Variants in LPP observed in about 807,000 individuals in gnomAD.
LPP encodes lipoma-preferred partner.
In LPP, 38 loss-of-function variants were observed where a neutral mutation model predicts 60.4. That is an observed-to-expected ratio of 0.63 (90% CI 0.49 to 0.83). The LOEUF is 0.83. Ranked by LOEUF, LPP falls within the 40% of genes least tolerant of loss-of-function variation. The pLI, the probability that LPP is intolerant of heterozygous loss-of-function variation, is 0.00. For missense variants in LPP, 902 were observed against 783.6 expected, an observed-to-expected ratio of 1.15 and a Z score of -1.80; for synonymous variants, 328 against 290.8, an observed-to-expected ratio of 1.13 and a Z score of -1.30.
chr3:188,377,885 G>A (rs1231462619), intron 3 of LPP, among the ~76,000 whole-genome samples: 1 of 152,002 alleles, frequency 6.6e-6, no homozygotes. Flanking sequence ...TGGGTTTTTG[G>A]TGTGGATGTC....
In LPP at chr3:188,785,547, T is replaced by TATATATACACAC. The variant is rs1206082559; in HGVS notation, c.1410+25266_1410+25267insTATATACACACA. The stretch of plus-strand genomic sequence containing the variant: ...ATATATATTCCATCATATATATATA[T>TATATATACACAC]ACACACACACACACACACACACACA... On this transcript the variant is annotated intron_variant, in intron 9 of 11. Coordinates refer to ENST00000617246, the MANE Select transcript of LPP (RefSeq NM_001375462.1). Among the ~76,000 whole-genome samples the TATATATACACAC allele has an allele frequency of 4.6e-5, 2 of 43,846 alleles. 1 individual carries two copies. The highest frequency in any genetic ancestry group is 1.9e-4 in the African/African-American group (2 of 10,630). 28.8% of individuals were successfully genotyped at this position (43,846 alleles called of 152,430 possible).
At chr3:188,824,292 T>C (rs1043112205) in intron 9 of LPP, among the ~76,000 whole-genome samples, 2 of 152,184 alleles carry the variant, frequency 1.3e-5, no homozygotes, top group Non-Finnish European at 2.9e-5. Flanking sequence ...GACATGAGTA[T>C]TGATGATGTA....
At chr3:188,830,614 A>C (rs917400974) in intron 9 of LPP, among the ~76,000 whole-genome samples, 7 of 151,954 alleles carry the variant, frequency 4.6e-5, no homozygotes, top group African/African-American at 9.7e-5. Flanking sequence ...CAAAAAACAA[A>C]AAAAAAAATG....
chr3:188,832,895 T>C (rs1757471904), intron 9 of LPP, among the ~76,000 whole-genome samples: 1 of 152,206 alleles, frequency 6.6e-6, no homozygotes, highest in Non-Finnish European at 1.5e-5. Flanking sequence ...TTCTAACAGT[T>C]GCAAGTCTGC....
Position 188,665,394 on chromosome 3 carries a change from T to C in LPP, c.1114-42873T>C, listed in dbSNP as rs141913776. ...AGTTTCTATGTGTTTGTCTGAGTAG[T>C]TGTTTTATTAGAAAATTGTAATTTC... On this transcript the variant is annotated intron_variant, in intron 7 of 11. Coordinates refer to ENST00000617246, the MANE Select transcript of LPP (RefSeq NM_001375462.1). Among the ~76,000 whole-genome samples the C allele has an allele frequency of 5.0e-3, 765 of 152,200 alleles. 9 individuals are homozygous for C. The highest frequency in any genetic ancestry group is 0.018 in the African/African-American group (736 of 41,540).
chr3:188,341,677 G>A lies in LPP; in HGVS notation c.-52G>A, dbSNP rs1763097129. ...GTAAACACTAGCATTGCAGTTGGCT[G>A]AACCTTGTGTCAACCATCCATTCCA... is the stretch of plus-strand genomic sequence containing the variant. On this transcript the variant is annotated 5_prime_UTR_variant, in exon 3 of 12. Transcript: ENST00000617246. The A allele has an allele frequency of 3.0e-6, 3 of 985,058 alleles. No homozygotes were observed. In the South Asian group the frequency reaches 1.4e-4, roughly 46 times the overall value. The allele number at this position is 985,058 out of a possible 1,614,324, so 61.0% of individuals were successfully genotyped here.
chr3:188,480,669 C>T (rs544379874), intron 4 of LPP, among the ~76,000 whole-genome samples: 5 of 152,132 alleles, frequency 3.3e-5, no homozygotes, highest in Non-Finnish European at 7.3e-5. Context: ...CTTGCCTGTA[C>T]GTCTCAGAGT....
rs912487521 is a variant in LPP at position 188,889,340 on chromosome 3, C to G, written c.*14861C>G. 2 of 231,474 alleles carry G rather than the reference C, an allele frequency of 8.6e-6. No individual in the cohort carries two copies. Among genetic ancestry groups the G allele is most frequent in the African/African-American group, 4.4e-5 (2 of 45,212 alleles). 14.3% of individuals were successfully genotyped at this position (231,474 alleles called of 1,614,324 possible). ...TAGGAGAGGGTCCATGTAAATAGGACGAGGTAGACAGTGCATGATTGTAGG... is the reference window on the plus strand; with the variant it reads ...TAGGAGAGGGTCCATGTAAATAGGAGGAGGTAGACAGTGCATGATTGTAGG... On this transcript the variant is annotated 3_prime_UTR_variant, in exon 12 of 12. Transcript: ENST00000617246.
rs555089967 is a variant in LPP, at chr3:188,884,736, G to A, written c.*10257G>A. On this transcript the variant is annotated 3_prime_UTR_variant, in exon 12 of 12. Coordinates refer to ENST00000617246, the MANE Select transcript of LPP (RefSeq NM_001375462.1). ...CTCTCTCCCATGAACCACGATGTAC[G>A]TTCCACAGAGGCAGAAACCGCCGTA... 281 of 226,354 alleles carry A rather than the reference G, an allele frequency of 1.2e-3. No homozygotes were observed. Among genetic ancestry groups the A allele is most frequent in the Non-Finnish European group, 1.9e-3 (216 of 113,800 alleles). The allele number at this position is 226,354 out of a possible 1,614,324, so 14.0% of individuals were successfully genotyped here.
rs1176497442 is a variant in LPP at position 188,552,941 on chromosome 3, A to G, written c.429+28154A>G. On this transcript the variant is annotated intron_variant, in intron 6 of 11. Transcript: ENST00000617246. ...ATGCTTATCACAGTCTGTTTTTAGG[A>G]AAGTAGATAAGTTCACAACGTTAAT... Among the ~76,000 whole-genome samples, 4 of 152,150 alleles carry G rather than the reference A, an allele frequency of 2.6e-5. No individual in the cohort carries two copies. In the East Asian group the frequency reaches 7.7e-4, roughly 29 times the overall value.
rs751609332 is a variant in LPP, at chr3:188,875,294, C to T, written c.*815C>T. On this transcript the variant is annotated 3_prime_UTR_variant, in exon 12 of 12. Coordinates refer to ENST00000617246, the MANE Select transcript of LPP (RefSeq NM_001375462.1). ...TACCTTAAGATTTTTCTTTTCCGCA[C>T]TACCTGAACATTGTAATACAGACAA... The T allele has an allele frequency of 1.4e-5, 3 of 218,598 alleles. No individual in the cohort carries two copies. The highest frequency in any genetic ancestry group is 2.7e-5 in the Non-Finnish European group (3 of 109,104). The allele number at this position is 218,598 out of a possible 1,614,324, so 13.5% of individuals were successfully genotyped here. A position where few individuals can be genotyped will look rare whatever the true frequency, so the allele number is the denominator to read the frequency against.
At chr3:188,833,529 T>A (rs1757610116) in intron 9 of LPP, among the ~76,000 whole-genome samples, 1 of 152,206 alleles carries the variant, frequency 6.6e-6, no homozygotes, top group African/African-American at 2.4e-5. Flanking sequence ...TAAGAGAATC[T>A]GAGTAAAGCA....
At chr3:188,627,275 G>C (rs1050838670) in intron 7 of LPP, among the ~76,000 whole-genome samples, 4 of 152,120 alleles carry the variant, frequency 2.6e-5, no homozygotes, top group African/African-American at 9.7e-5. Flanking sequence ...ATGATGGCAA[G>C]ATCAAATGCT....
At chr3:188,549,663 C>T (rs1378177951) in intron 6 of LPP, among the ~76,000 whole-genome samples, 2 of 152,076 alleles carry the variant, frequency 1.3e-5, no homozygotes, top group South Asian at 4.1e-4. Flanking sequence ...GAGTGATAAA[C>T]CCAAAAAATA....
At chr3:188,203,547 AT>A (rs1732091436) in intron 1 of LPP, among the ~76,000 whole-genome samples, 1 of 100,938 alleles carries the variant, frequency 9.9e-6, no homozygotes, top group African/African-American at 3.9e-5. Flanking sequence ...AAATATATAT[AT>A]ATTTTTAAAT....
At chr3:188,261,999 G>A (rs574956956) in intron 2 of LPP, among the ~76,000 whole-genome samples, 35 of 152,284 alleles carry the variant, frequency 2.3e-4, no homozygotes, top group African/African-American at 8.2e-4. Flanking sequence ...TCTTAGAAAG[G>A]TTGTTTCTTA....
chr3:188,725,498 T>G (rs1232470845), intron 8 of LPP: 1 of 152,202 alleles, frequency 6.6e-6, no homozygotes, highest in Non-Finnish European at 1.5e-5. Flanking sequence ...CCACACAGCA[T>G]GTATAGGTAA....
chr3:188,448,389 G>A (rs923565155), intron 4 of LPP, among the ~76,000 whole-genome samples: 1 of 5,928 alleles, frequency 1.7e-4, no homozygotes, highest in African/African-American at 3.0e-4. Flanking sequence ...TCTATATTGA[G>A]ATATCTATAT....
chr3:188,607,732 C>T (rs1307631512), intron 6 of LPP, among the ~76,000 whole-genome samples: 1 of 151,954 alleles, frequency 6.6e-6, no homozygotes, highest in Non-Finnish European at 1.5e-5. Context: ...TCTGCTGTAG[C>T]TGTAGTCTGC....
Sources: allele counts gnomAD v4.1 joint callset (sites outside exome capture counted in the v4.1 genomes callset), GRCh38; gene constraint gnomAD v4.1.1; transcripts MANE v1.5; gene names NCBI Gene and HGNC (gene_info 2026-07-23, HGNC 2026-07-21).